The following HLCS variants were observed in gnomAD, a reference collection of about 807,000 sequenced individuals.
HLCS encodes holocarboxylase synthetase, also known as biotin--protein ligase.
Under a neutral mutation model 75.0 loss-of-function variants are expected in HLCS, and 53 were observed. That is an observed-to-expected ratio of 0.71 (90% CI 0.57 to 0.89). The LOEUF (loss-of-function observed/expected upper bound fraction) is 0.89. HLCS is among the 40% of genes least tolerant of loss of function. The probability of loss-of-function intolerance (pLI) is 0.00; values close to 1 mark genes in which losing one functional copy is unlikely to be tolerated. For synonymous variants in HLCS, 431 were observed against 428.6 expected, an observed-to-expected ratio of 1.01 and a Z score of -0.07; for missense variants, 966 against 1,074.0, an observed-to-expected ratio of 0.90 and a Z score of 1.41.
intron 6 of HLCS, among the ~76,000 whole-genome samples, chr21:36,801,214 T>C (rs756302373): frequency 2.6e-5 from 4 of 152,190 alleles, no homozygotes; most frequent in Non-Finnish European, 4.4e-5. Flanking sequence ...ACCCTTGTCA[T>C]TCGTGCCAGC....
chr21:36,808,879 A>G (rs2061432299), intron 6 of HLCS, among the ~76,000 whole-genome samples: 1 of 152,016 alleles, frequency 6.6e-6, no homozygotes, highest in African/African-American at 2.4e-5. Flanking sequence ...AAATGCCTTT[A>G]TTTCCCTTCA....
chr21:36,836,636 G>C (rs2062422454), intron 6 of HLCS, among the ~76,000 whole-genome samples: 1 of 151,222 alleles, frequency 6.6e-6, no homozygotes, highest in Admixed American at 6.6e-5. Context: ...CTAATATCCA[G>C]AATCTACAAT....
chr21:36,771,044 C>T (rs530988242), intron 6 of HLCS, among the ~76,000 whole-genome samples: 1 of 151,926 alleles, frequency 6.6e-6, no homozygotes. Flanking sequence ...ACGGTGAAAC[C>T]CCGTCTCTAC....
intron 2 of HLCS, chr21:36,947,689 G>A: frequency 1.0e-6 from 1 of 985,430 alleles, no homozygotes; most frequent in Non-Finnish European, 1.2e-6. Flanking sequence ...TATGGCAGCA[G>A]GCAAGGCATA....
chr21:36,931,930 T>C (rs1441979509), intron 4 of HLCS, among the ~76,000 whole-genome samples: 2 of 152,180 alleles, frequency 1.3e-5, no homozygotes, highest in Non-Finnish European at 2.9e-5. Flanking sequence ...GTTTTCTCTG[T>C]TTCTCCGTTT....
intron 6 of HLCS, among the ~76,000 whole-genome samples, chr21:36,815,103 T>C (rs2061623213): frequency 6.6e-6 from 1 of 151,678 alleles, no homozygotes; most frequent in Non-Finnish European, 1.5e-5. Context: ...CTCGGCTCTC[T>C]GCAACCTCCG....
At chr21:36,764,386 A>G (rs760930528) in intron 8 of HLCS, among the ~76,000 whole-genome samples, 3 of 151,452 alleles carry the variant, frequency 2.0e-5, no homozygotes, top group Non-Finnish European at 2.9e-5. Context: ...ACAAAGTGAG[A>G]CTCTGTCTCA....
intron 6 of HLCS, among the ~76,000 whole-genome samples, chr21:36,888,224 G>A (rs1274625895): frequency 6.6e-6 from 1 of 151,478 alleles, no homozygotes; most frequent in Non-Finnish European, 1.5e-5. Context: ...CTCGGGCCTC[G>A]ACTTCAGGGG....
chr21:36,890,522 GA>G (rs2064736780), intron 6 of HLCS, among the ~76,000 whole-genome samples: 2 of 152,148 alleles, frequency 1.3e-5, no homozygotes, highest in African/African-American at 4.8e-5. Context: ...CCTCTCCCCA[GA>G]GTGCTCTCCC....
At chr21:36,851,004 G>T (rs1260200057) in intron 6 of HLCS, among the ~76,000 whole-genome samples, 1 of 152,180 alleles carries the variant, frequency 6.6e-6, no homozygotes, top group Non-Finnish European at 1.5e-5. Context: ...GATGGGCAGG[G>T]TGGGTTAGGA....
intron 6 of HLCS, among the ~76,000 whole-genome samples, chr21:36,825,285 G>A (rs186071389): frequency 1.3e-4 from 20 of 152,080 alleles, no homozygotes; most frequent in African/African-American, 2.9e-4. Flanking sequence ...CTACTTGAGC[G>A]GCTGAGGCGG....
chr21:36,892,644 A>G (rs1393301254), intron 6 of HLCS, among the ~76,000 whole-genome samples: 4 of 152,316 alleles, frequency 2.6e-5, no homozygotes, highest in Non-Finnish European at 4.4e-5. Flanking sequence ...ATGCATGTGG[A>G]TATCTGGGAC....
chr21:36,771,745 T>C (rs888786080), intron 6 of HLCS, among the ~76,000 whole-genome samples: 3 of 152,106 alleles, frequency 2.0e-5, no homozygotes, highest in African/African-American at 7.2e-5. Flanking sequence ...ACGCCTATAA[T>C]CCCAGCACTT....
At chr21:36,913,711 A>G (rs1189454603) in intron 5 of HLCS, among the ~76,000 whole-genome samples, 2 of 152,140 alleles carry the variant, frequency 1.3e-5, no homozygotes, top group Non-Finnish European at 2.9e-5. Flanking sequence ...CAGTGAGCCG[A>G]GATGGTGGGC....
chr21:36,778,614 A>G (rs2060437902), intron 6 of HLCS, among the ~76,000 whole-genome samples: 1 of 152,046 alleles, frequency 6.6e-6, no homozygotes, highest in East Asian at 1.9e-4. Context: ...TGCCAAACAG[A>G]TTTTTCTGAA....
chr21:36,963,493 G>A (rs2068415593), intron 1 of HLCS, among the ~76,000 whole-genome samples: 1 of 152,180 alleles, frequency 6.6e-6, no homozygotes, highest in African/African-American at 2.4e-5. Flanking sequence ...CGGGCGCGGT[G>A]GCTCACGCCT....
intron 6 of HLCS, among the ~76,000 whole-genome samples, chr21:36,808,312 C>T (rs895112928): frequency 3.3e-5 from 5 of 152,206 alleles, no homozygotes; most frequent in African/African-American, 9.6e-5. Flanking sequence ...ATTATTACAA[C>T]CTAATTTTAA....
upstream of HLCS, among the ~76,000 whole-genome samples, chr21:36,969,984 G>A (rs975479587): frequency 7.9e-5 from 12 of 152,142 alleles, no homozygotes; most frequent in African/African-American, 2.2e-4. Context: ...CAACATGACC[G>A]GCTTTCTATA....
At chr21:36,843,633 T>C (rs1044532821) in intron 6 of HLCS, among the ~76,000 whole-genome samples, 1 of 152,142 alleles carries the variant, frequency 6.6e-6, no homozygotes. Context: ...AAGTTACTAG[T>C]GTGCGCAAAG....
Sources: gnomAD v4.1 joint callset for allele counts (sites outside exome capture counted in the v4.1 genomes callset) on GRCh38, gnomAD v4.1.1 for gene constraint, MANE v1.5 for transcripts, NCBI Gene and HGNC (gene_info 2026-07-23, HGNC 2026-07-21) for gene names.